The following ZNF570 variants were observed in gnomAD, a reference collection of about 807,000 sequenced individuals.
ZNF570 encodes the protein zinc finger protein 570.
Under a neutral mutation model 14.2 loss-of-function variants are expected in ZNF570, and 8 were observed. The observed-to-expected ratio is 0.56, with a 90% confidence interval of 0.33 to 1.02. The LOEUF is 1.02. Ranked by LOEUF, ZNF570 falls within the 50% of genes least tolerant of loss-of-function variation. The probability of loss-of-function intolerance (pLI) is 0.03; values close to 1 mark genes in which losing one functional copy is unlikely to be tolerated. For missense variants in ZNF570, 559 were observed against 624.9 expected (o/e 0.89, Z 1.12); for synonymous variants, 202 against 207.6 (o/e 0.97, Z 0.23).
chr19:37,478,454 T>G (rs554034063), intron 4 of ZNF570, among the ~76,000 whole-genome samples: 1 of 152,152 alleles, frequency 6.6e-6, no homozygotes, highest in Non-Finnish European at 1.5e-5. Flanking sequence ...AATAATATTT[T>G]TAAATATGTT....
At chr19:37,476,581 C>A in intron 4 of ZNF570, 147 bp downstream of exon 4, 1 of 1,166,550 alleles carries the variant, frequency 8.6e-7, no homozygotes, top group Non-Finnish European at 1.1e-6. Context: ...GGATGTTCTC[C>A]CACATTTGTT....
rs1161232212 is a variant in ZNF570, at chr19:37,486,488, T to C, written c.*1255T>C. 6.6e-6 allele frequency: 1 copy of C among 152,200 alleles called. No homozygotes were observed. The highest frequency in any genetic ancestry group is 2.4e-5 in the African/African-American group (1 of 41,450). 9.4% of individuals were successfully genotyped at this position (152,200 alleles called of 1,614,324 possible). ...TATAGTCTGTCAAATATAGCAGATA[T>C]TCAATAAATGATAATAGCTAACATG... On this transcript the variant is annotated 3_prime_UTR_variant, in exon 5 of 5. Transcript: ENST00000330173.
At chr19:37,471,221 G>A (rs773290975) in intron 2 of ZNF570, among the ~76,000 whole-genome samples, 12 of 151,140 alleles carry the variant, frequency 7.9e-5, no homozygotes, top group Non-Finnish European at 1.8e-4. Flanking sequence ...CACCATGTTA[G>A]CCAGGATGGT....
At chr19:37,482,496 T>C (rs967411431) in intron 4 of ZNF570, among the ~76,000 whole-genome samples, 9 of 152,144 alleles carry the variant, frequency 5.9e-5, no homozygotes, top group African/African-American at 2.2e-4. Flanking sequence ...TTCGCTATCA[T>C]GACACTACCA....
Position 37,469,371 on chromosome 19 carries a change from C to G in ZNF570, c.-238C>G, listed in dbSNP as rs926736809. 4.9e-6 allele frequency: 7 copies of G among 1,435,756 alleles called. No homozygotes were observed. In the African/African-American group the frequency reaches 5.7e-5, roughly 12 times the overall value. 88.9% of individuals were successfully genotyped at this position (1,435,756 alleles called of 1,614,324 possible). A position where few individuals can be genotyped will look rare whatever the true frequency, so the allele number is the denominator to read the frequency against. On this transcript the variant is annotated 5_prime_UTR_variant, in exon 1 of 5. Transcript: ENST00000330173. Reference sequence around the variant, plus strand: ...CAGCTGAGGCGCTTCTTTCCGGGCCCGTAAGGGCTGGGTTCCATCCAACTA... The same window carrying G: ...CAGCTGAGGCGCTTCTTTCCGGGCCGGTAAGGGCTGGGTTCCATCCAACTA...
chr19:37,476,998 G>T (rs1357964715), intron 4 of ZNF570, among the ~76,000 whole-genome samples: 1 of 152,006 alleles, frequency 6.6e-6, no homozygotes, highest in Non-Finnish European at 1.5e-5. Flanking sequence ...GAACCACTGT[G>T]CCTGGCCTCT....
upstream of ZNF570, among the ~76,000 whole-genome samples, chr19:37,468,288 T>C (rs1317800967): frequency 6.6e-6 from 1 of 152,096 alleles, no homozygotes; most frequent in Non-Finnish European, 1.5e-5. Flanking sequence ...AAGGTCTCGC[T>C]ATGTTGCCCA....
rs1182210806 is a variant in ZNF570 at position 37,476,356 on chromosome 19, C to T, written c.178C>T (p.Pro60Ser). The T allele has an allele frequency of 1.2e-6, 2 of 1,613,356 alleles. No individual in the cohort carries two copies. Among genetic ancestry groups the T allele is most frequent in the Non-Finnish European group, 1.7e-6 (2 of 1,179,834 alleles). The change falls in exon 4 of 5, where the codon CCA becomes TCA. Residue 60 changes from proline to serine, a missense_variant. Transcript: ENST00000330173. ...LVSLGLCFSK[P>S]SVILLLEQGK... Reference sequence around the variant, plus strand: ...ATTTGCAGGACTTTGCTTTTCCAAACCAAGTGTGATATTATTGTTGGAACA... The same window carrying T: ...ATTTGCAGGACTTTGCTTTTCCAAATCAAGTGTGATATTATTGTTGGAACA...
intron 2 of ZNF570, among the ~76,000 whole-genome samples, chr19:37,475,181 C>G (rs549339525): frequency 3.9e-5 from 6 of 152,202 alleles, no homozygotes; most frequent in African/African-American, 9.6e-5. Flanking sequence ...CCAGGCTGGT[C>G]TCAAACTCCT....
rs557928909 is a variant in ZNF570 at position 37,475,450 on chromosome 19, T to C, written c.34-431T>C. The stretch of plus-strand genomic sequence containing the variant: ...AGTGAATACTTTCTGGTATTGTTTT[T>C]GATCCCTTTCTAGCTTCTTGAAATT... On this transcript the variant is annotated intron_variant, in intron 2 of 4. Coordinates refer to ENST00000330173, the MANE Select transcript of ZNF570 (RefSeq NM_144694.5). Among the ~76,000 whole-genome samples the C allele has an allele frequency of 2.6e-5, 4 of 152,324 alleles. No homozygotes were observed. In the East Asian group the frequency reaches 7.7e-4, roughly 29 times the overall value.
In ZNF570 at chr19:37,485,170, C is replaced by T. The variant is rs369157324; in HGVS notation, c.1548C>T (p.His516=). The change falls in exon 5 of 5, where the codon CAC becomes CAT. Residue 516 remains histidine (H), a synonymous_variant. Transcript: ENST00000330173. ...GGCAGCATGCACACCTTGCTCATCA[C>T]CAGAGAATTCACATTGGGGAGTCAC... ...TFRQHAHLAH[H]QRIHIGESLS... 1.5e-4 allele frequency: 247 copies of T among 1,594,530 alleles called. No individual in the cohort carries two copies. The highest frequency in any genetic ancestry group is 1.9e-4 in the Non-Finnish European group (225 of 1,170,254).
At chr19:37,482,209 A>G (rs2042095463) in intron 4 of ZNF570, among the ~76,000 whole-genome samples, 1 of 152,132 alleles carries the variant, frequency 6.6e-6, no homozygotes, top group African/African-American at 2.4e-5. Flanking sequence ...TACTCAAACC[A>G]CTTCAATGGG....
At chr19:37,478,290 C>T (rs148400127) in intron 4 of ZNF570, among the ~76,000 whole-genome samples, 4 of 152,102 alleles carry the variant, frequency 2.6e-5, no homozygotes, top group Admixed American at 6.5e-5. Flanking sequence ...CTTTGCACAT[C>T]TTCTGTTAGA....
intron 4 of ZNF570, among the ~76,000 whole-genome samples, chr19:37,477,596 C>T (rs1409331296): frequency 6.6e-6 from 1 of 152,016 alleles, no homozygotes; most frequent in Non-Finnish European, 1.5e-5. Flanking sequence ...CCAGCCTCAG[C>T]CTTCCAAAGT....
At chr19:37,480,701 C>T (rs2042077187) in intron 4 of ZNF570, among the ~76,000 whole-genome samples, 1 of 151,530 alleles carries the variant, frequency 6.6e-6, no homozygotes, top group African/African-American at 2.4e-5. Flanking sequence ...GGCTGTAATC[C>T]CAGCACTTTG....
chr19:37,484,089 C>T lies in ZNF570; in HGVS notation c.467C>T (p.Pro156Leu). Residue 156 changes from proline (P) to leucine (L), a missense_variant, in exon 5 of 5, where the codon CCC (proline) becomes CTC (leucine). Physicochemically the swap from Pro to Leu is moderately conservative, Grantham distance 98. Transcript: ENST00000330173. ...FKEEIITHEE[P>L]LFDEREQEYK... ...GAAGAGATAATCACTCATGAAGAACCCCTTTTTGATGAGAGAGAACAAGAA... is the reference window on the plus strand; with the variant it reads ...GAAGAGATAATCACTCATGAAGAACTCCTTTTTGATGAGAGAGAACAAGAA... The T allele has an allele frequency of 1.2e-6, 2 of 1,613,928 alleles. No individual in the cohort carries two copies. The highest frequency in any genetic ancestry group is 1.7e-6 in the Non-Finnish European group (2 of 1,179,980).
At chr19:37,470,454 T>C in intron 2 of ZNF570, 67 bp downstream of exon 2, 3 of 1,499,148 alleles carry the variant, frequency 2.0e-6, no homozygotes, top group Non-Finnish European at 2.8e-6. Context: ...GTACTAATTT[T>C]CCTTCTGCTG....
intron 4 of ZNF570, among the ~76,000 whole-genome samples, chr19:37,477,288 CGTGTGTGTGTGTGTGTGTGTGTGT>C (rs71177457): frequency 1.7e-5 from 2 of 115,426 alleles, no homozygotes; most frequent in Non-Finnish European, 3.5e-5. Context: ...GGGAGGTTGT[CGTGTGTGTGTGTGTGTGTGTGTGT>C]GTGTGTGTGT....
rs1473943472 is a variant in ZNF570 at position 37,480,224 on chromosome 19, G to A, written c.257-3655G>A. 3.3e-5 allele frequency among the ~76,000 whole-genome samples: 5 copies of A among 152,156 alleles called. No individual in the cohort carries two copies. The East Asian group carries it at 7.7e-4, about 23-fold the overall frequency. ...AACGTAGCCAGGCACGGTGGCTCAC[G>A]CCTGTAATCCCAGCACTTTGGGAGG... is the stretch of plus-strand genomic sequence containing the variant. On this transcript the variant is annotated intron_variant, in intron 4 of 4. Coordinates refer to ENST00000330173, the MANE Select transcript of ZNF570 (RefSeq NM_144694.5).
Sources: gnomAD v4.1 joint callset for allele counts (sites outside exome capture counted in the v4.1 genomes callset) on GRCh38, gnomAD v4.1.1 for gene constraint, MANE v1.5 for transcripts, NCBI Gene and HGNC (gene_info 2026-07-23, HGNC 2026-07-21) for gene names.